Variants in TMEM178B observed in about 807,000 individuals in gnomAD.
TMEM178B encodes transmembrane protein 178B.
A neutral mutation model predicts 31.0 loss-of-function variants in TMEM178B; 5 were observed. The ratio of observed to expected loss-of-function variants is 0.16; its 90% CI spans 0.08 to 0.34. The LOEUF (loss-of-function observed/expected upper bound fraction) is 0.34, where lower values mean the gene tolerates loss of function less well. Among genes scored for constraint, TMEM178B ranks in the 10% least tolerant of loss-of-function variants. TMEM178B has a pLI of 1.00. For missense variants in TMEM178B, 275 were observed against 400.3 expected (o/e 0.69, Z 2.67); for synonymous variants, 164 against 164.0 (o/e 1.00, Z 0.00).
At chr7:141,247,083 A>G (rs1453330408) in intron 2 of TMEM178B, among the ~76,000 whole-genome samples, 9 of 152,050 alleles carry the variant, frequency 5.9e-5, no homozygotes, top group Non-Finnish European at 1.0e-4. Flanking sequence ...TTATATATGT[A>G]TGTGTGTACA....
At chr7:141,309,389 A>T (rs572942130) in intron 2 of TMEM178B, among the ~76,000 whole-genome samples, 27 of 152,344 alleles carry the variant, frequency 1.8e-4, no homozygotes, top group African/African-American at 6.3e-4. Flanking sequence ...CTCATTACAA[A>T]AGTAATACAT....
At chr7:141,283,949 A>G (rs766903468) in intron 2 of TMEM178B, among the ~76,000 whole-genome samples, 1 of 152,202 alleles carries the variant, frequency 6.6e-6, no homozygotes, top group Non-Finnish European at 1.5e-5. Flanking sequence ...TGATTTATTG[A>G]AGACAGAATA....
chr7:141,368,267 C>T (rs1800047561), intron 2 of TMEM178B, among the ~76,000 whole-genome samples: 2 of 152,096 alleles, frequency 1.3e-5, no homozygotes, highest in Non-Finnish European at 2.9e-5. Flanking sequence ...TGCAGTGAGC[C>T]AAGATTGTGC....
rs558457507 is a variant in TMEM178B, at chr7:141,447,375, C to A, written c.634+9630C>A. On this transcript the variant is annotated intron_variant, in intron 3 of 3. Transcript: ENST00000565468. Reference sequence around the variant, plus strand: ...AGATCATGCCAGGTAAAATGAGCAGCAAGGAGAAGGGGCCTGGGAGAGGAC... The same window carrying A: ...AGATCATGCCAGGTAAAATGAGCAGAAAGGAGAAGGGGCCTGGGAGAGGAC... Among the ~76,000 whole-genome samples the A allele has an allele frequency of 2.6e-5, 4 of 151,936 alleles. No homozygotes were observed. The South Asian group carries it at 8.3e-4, about 32-fold the overall frequency.
chr7:141,279,677 C>T (rs550381638), intron 2 of TMEM178B, among the ~76,000 whole-genome samples: 2 of 152,346 alleles, frequency 1.3e-5, no homozygotes, highest in Non-Finnish European at 1.5e-5. Flanking sequence ...TGCCCTGGGC[C>T]TCAGGTGGGG....
rs142213976 is a variant in TMEM178B, at chr7:141,145,698, G to A, written c.383-66893G>A. On this transcript the variant is annotated intron_variant, in intron 1 of 3. Transcript: ENST00000565468. Reference sequence around the variant, plus strand: ...CCCCTTCCTGGGAAAGTCTGATTCCGTAGATCTGAAGTAGATAGTTTTAGG... The same window carrying A: ...CCCCTTCCTGGGAAAGTCTGATTCCATAGATCTGAAGTAGATAGTTTTAGG... 3.3e-5 allele frequency among the ~76,000 whole-genome samples: 5 copies of A among 152,282 alleles called. No individual in the cohort carries two copies. In the East Asian group the frequency reaches 9.7e-4, roughly 29 times the overall value.
intron 2 of TMEM178B, among the ~76,000 whole-genome samples, chr7:141,286,119 A>AG (rs911743849): frequency 5.3e-5 from 8 of 151,660 alleles, no homozygotes; most frequent in Admixed American, 2.0e-4. Context: ...GAAATTAAAA[A>AG]GAAAAAAAAA....
intron 1 of TMEM178B, among the ~76,000 whole-genome samples, chr7:141,206,299 A>G (rs1347531961): frequency 6.6e-6 from 1 of 152,174 alleles, no homozygotes; most frequent in East Asian, 1.9e-4. Flanking sequence ...AGAATGTGCT[A>G]GCATTGGACT....
At chr7:141,332,593 T>C (rs1184175686) in intron 2 of TMEM178B, among the ~76,000 whole-genome samples, 1 of 152,230 alleles carries the variant, frequency 6.6e-6, no homozygotes, top group East Asian at 1.9e-4. Flanking sequence ...TTTTCAAGCA[T>C]CTCTTCCAGA....
intron 2 of TMEM178B, among the ~76,000 whole-genome samples, chr7:141,406,479 A>G (rs1800887457): frequency 6.6e-6 from 1 of 152,188 alleles, no homozygotes; most frequent in African/African-American, 2.4e-5. Context: ...ACAAACAACT[A>G]CTAATTCAGC....
intron 1 of TMEM178B, among the ~76,000 whole-genome samples, chr7:141,176,929 T>A (rs2129183425): frequency 6.6e-6 from 1 of 152,174 alleles, no homozygotes; most frequent in South Asian, 2.1e-4. Context: ...TTTTGAAGGG[T>A]TTTTTGTGTC....
At chr7:141,190,639 AGT>A (rs1357029129) in intron 1 of TMEM178B, among the ~76,000 whole-genome samples, 1 of 152,184 alleles carries the variant, frequency 6.6e-6, no homozygotes, top group African/African-American at 2.4e-5. Flanking sequence ...CTGTATTGAA[AGT>A]GAAAAACAAG....
At chr7:141,147,436 A>T (rs1310207945) in intron 1 of TMEM178B, among the ~76,000 whole-genome samples, 2 of 152,092 alleles carry the variant, frequency 1.3e-5, no homozygotes, top group African/African-American at 2.4e-5. Context: ...GAAAGGAGGG[A>T]TGTGTTAAGA....
At chr7:141,407,686 T>TAG (rs1456311179) in intron 2 of TMEM178B, among the ~76,000 whole-genome samples, 15 of 152,354 alleles carry the variant, frequency 9.8e-5, no homozygotes, top group Non-Finnish European at 2.2e-4. Flanking sequence ...CTGACTTTCC[T>TAG]GTGTCACACA....
chr7:141,162,338 C>A (rs1235413454), intron 1 of TMEM178B, among the ~76,000 whole-genome samples: 1 of 152,200 alleles, frequency 6.6e-6, no homozygotes, highest in Non-Finnish European at 1.5e-5. Context: ...GTCCTTTGAC[C>A]CCCTGTCTGC....
intron 2 of TMEM178B, among the ~76,000 whole-genome samples, chr7:141,268,753 A>C (rs1370020549): frequency 6.6e-6 from 1 of 152,258 alleles, no homozygotes; most frequent in African/African-American, 2.4e-5. Context: ...CTCAAAGACA[A>C]AGCACAATTA....
intron 2 of TMEM178B, among the ~76,000 whole-genome samples, chr7:141,368,059 C>T (rs1283573195): frequency 2.0e-5 from 3 of 152,178 alleles, no homozygotes; most frequent in Non-Finnish European, 2.9e-5. Context: ...TAGCTCACGC[C>T]TGTAATCCCA....
chr7:141,114,598 G>C (rs1795288922), intron 1 of TMEM178B, among the ~76,000 whole-genome samples: 1 of 152,250 alleles, frequency 6.6e-6, no homozygotes, highest in African/African-American at 2.4e-5. Context: ...TTGGGCAGGT[G>C]ATTCTGAGGC....
chr7:141,441,391 G>C (rs1181751), intron 3 of TMEM178B, among the ~76,000 whole-genome samples: 38,522 of 152,102 alleles, frequency 0.25, 5,827 homozygotes, highest in East Asian at 0.58. Context: ...CTCATAGATA[G>C]AGCAGAGCAA....
Sources: gnomAD v4.1 joint callset for allele counts (sites outside exome capture counted in the v4.1 genomes callset) on GRCh38, gnomAD v4.1.1 for gene constraint, MANE v1.5 for transcripts, NCBI Gene and HGNC (gene_info 2026-07-23, HGNC 2026-07-21) for gene names.